The following AFG3L2 variants were observed in gnomAD, a reference collection of about 807,000 sequenced individuals.
The protein encoded by AFG3L2 is AFG3 like matrix AAA peptidase subunit 2, also known as mitochondrial inner membrane m-AAA protease component AFG3L2.
In AFG3L2, 54 loss-of-function variants were observed where a neutral mutation model predicts 94.5. That is an observed-to-expected ratio of 0.57 (90% CI 0.46 to 0.72). The LOEUF (loss-of-function observed/expected upper bound fraction) is 0.72. Ranked by LOEUF, AFG3L2 falls within the 30% of genes least tolerant of loss-of-function variation. The pLI, the probability that AFG3L2 is intolerant of heterozygous loss-of-function variation, is 0.00. For missense variants in AFG3L2, 754 were observed against 994.9 expected (o/e 0.76, Z 3.26); for synonymous variants, 377 against 365.5 (o/e 1.03, Z -0.36).
chr18:12,350,252 C>G lies in AFG3L2; in HGVS notation c.1552+833G>C, dbSNP rs542134961. Among the ~76,000 whole-genome samples, 50 of 152,124 alleles carry G rather than the reference C, an allele frequency of 3.3e-4. No homozygotes were observed. In the South Asian group the frequency reaches 8.5e-3, roughly 26 times the overall value. On this transcript the variant is annotated intron_variant, in intron 12 of 16. Transcript: ENST00000269143. Reference sequence around the variant, plus strand: ...TCTCGAACTCCTGACCTCAGGTGATCCACCTGCCTCAGACTCCCAAAGTGC... The same window carrying G: ...TCTCGAACTCCTGACCTCAGGTGATGCACCTGCCTCAGACTCCCAAAGTGC...
intron 1 of AFG3L2, among the ~76,000 whole-genome samples, chr18:12,374,016 C>T (rs554162204): frequency 1.3e-4 from 20 of 152,190 alleles, no homozygotes; most frequent in African/African-American, 3.9e-4. Context: ...CTTTATATCA[C>T]CATAAAGTTT....
rs1129115 is a variant in AFG3L2 at position 12,329,537 on chromosome 18, C to G, written c.*28G>C. On this transcript the variant is annotated 3_prime_UTR_variant, in exon 17 of 17. Coordinates refer to ENST00000269143, the MANE Select transcript of AFG3L2 (RefSeq NM_006796.3). ...ATGCACCAGCTGAAACCACAGTGGA[C>G]AGACTGAGATGGCCTCCCTCTGGGC... 375,328 of 1,603,688 alleles carry G rather than the reference C, an allele frequency of 0.23. 47,325 individuals carry two copies. Among genetic ancestry groups the G allele is most frequent in the African/African-American group, 0.39 (29,371 of 74,612 alleles).
At chr18:12,352,466 G>A (rs1004200982) in intron 10 of AFG3L2, among the ~76,000 whole-genome samples, 4 of 152,188 alleles carry the variant, frequency 2.6e-5, no homozygotes, top group African/African-American at 4.8e-5. Context: ...TGAAATAAAA[G>A]CTGGCTAGCA....
intron 9 of AFG3L2, among the ~76,000 whole-genome samples, chr18:12,355,208 T>TAA (rs11303145): frequency 7.2e-6 from 1 of 139,222 alleles, no homozygotes; most frequent in African/African-American, 2.7e-5. Flanking sequence ...CAAAAAAAAT[T>TAA]AAAAAAAAAA....
Position 12,339,123 on chromosome 18 carries a change from G to A in AFG3L2, c.1980+1078C>T, listed in dbSNP as rs1281853366. Among the ~76,000 whole-genome samples, 5 of 150,322 alleles carry A rather than the reference G, an allele frequency of 3.3e-5. No homozygotes were observed. In the South Asian group the frequency reaches 8.5e-4, roughly 25 times the overall value. On this transcript the variant is annotated intron_variant, in intron 15 of 16. Transcript: ENST00000269143. ...CAAAAAATTAGCCAGGAGTGGTGGC[G>A]GGCACTACTTGGGAGGCTGAGGCAG...
At position 12,353,478 on chromosome 18, in the gene AFG3L2, C is replaced by A. The variant is rs1040535694; in HGVS notation, c.1165-320G>T. On this transcript the variant is annotated intron_variant, in intron 9 of 16. Coordinates refer to ENST00000269143, the MANE Select transcript of AFG3L2 (RefSeq NM_006796.3). ...GCAGTGAGCTGAGACTGAGCCATTG[C>A]ACTCCTGCCTGGGCAACAAGAGCGA... Among the ~76,000 whole-genome samples the A allele has an allele frequency of 3.6e-5, 5 of 138,596 alleles. No individual in the cohort carries two copies. In the Admixed American group the frequency reaches 4.0e-4, roughly 11 times the overall value. 90.9% of individuals were successfully genotyped at this position (138,596 alleles called of 152,430 possible).
intron 12 of AFG3L2, among the ~76,000 whole-genome samples, chr18:12,349,639 C>A (rs990725305): frequency 1.3e-5 from 2 of 152,042 alleles, no homozygotes; most frequent in African/African-American, 4.8e-5. Context: ...TGAACATAAA[C>A]CAGGCACAAA....
At chr18:12,363,526 T>C (rs748729472) in intron 6 of AFG3L2, among the ~76,000 whole-genome samples, 1 of 152,194 alleles carries the variant, frequency 6.6e-6, no homozygotes, top group African/African-American at 2.4e-5. Flanking sequence ...AACTGGGATT[T>C]CACTCACTGT....
chr18:12,353,969 A>G (rs1354244491), intron 9 of AFG3L2, among the ~76,000 whole-genome samples: 2 of 152,138 alleles, frequency 1.3e-5, no homozygotes, highest in African/African-American at 2.4e-5. Context: ...AGAGGGGGTG[A>G]CAGCCTTCGT....
chr18:12,344,469 G>T (rs1294052960), intron 13 of AFG3L2: 3 of 514,394 alleles, frequency 5.8e-6, no homozygotes, highest in African/African-American at 5.8e-5. Flanking sequence ...GAGGTGAGGA[G>T]TTCGAGACCA....
chr18:12,332,492 A>T (rs991714901), intron 16 of AFG3L2, among the ~76,000 whole-genome samples: 28 of 152,116 alleles, frequency 1.8e-4, no homozygotes, highest in Admixed American at 3.3e-4. Context: ...AAATTATGAA[A>T]GTTTTGTCTT....
chr18:12,355,215 A>T (rs1376267549), intron 9 of AFG3L2, among the ~76,000 whole-genome samples: 1 of 152,130 alleles, frequency 6.6e-6, no homozygotes, highest in East Asian at 1.9e-4. Flanking sequence ...AATTAAAAAA[A>T]AAAAAAAAGA....
intron 5 of AFG3L2, among the ~76,000 whole-genome samples, chr18:12,366,188 C>T (rs936852839): frequency 6.6e-6 from 1 of 152,132 alleles, no homozygotes; most frequent in Non-Finnish European, 1.5e-5. Context: ...TGCATCAATT[C>T]TAAGACACAC....
intron 13 of AFG3L2, 75 bp from the exon 14 acceptor site, chr18:12,344,322 T>C: frequency 8.2e-7 from 1 of 1,218,652 alleles, no homozygotes; most frequent in Non-Finnish European, 1.2e-6. Flanking sequence ...TATACAGTGC[T>C]ATACATTGCC....
Position 12,340,409 on chromosome 18 carries a change from G to A in AFG3L2, c.1780-8C>T. ...ACGTGGGATGATGGATACCTGGTAA[G>A]TAGAAAACAGTGTTGAAGATCCTAC... On this transcript the variant is annotated splice_region_variant and splice_polypyrimidine_tract_variant and intron_variant, in intron 14 of 16. Transcript: ENST00000269143. 3 of 1,604,424 alleles carry A rather than the reference G, an allele frequency of 1.9e-6. No homozygotes were observed. Among genetic ancestry groups the A allele is most frequent in the Non-Finnish European group, 1.7e-6 (2 of 1,171,182 alleles).
Position 12,348,224 on chromosome 18 carries a change from A to G in AFG3L2, c.1663+49T>C, listed in dbSNP as rs1197754739. 2.0e-6 allele frequency: 3 copies of G among 1,509,668 alleles called. No individual in the cohort carries two copies. In the African/African-American group the frequency reaches 4.1e-5, roughly 21 times the overall value. The allele number at this position is 1,509,668 out of a possible 1,614,324, so 93.5% of individuals were successfully genotyped here. A position where few individuals can be genotyped will look rare whatever the true frequency, so the allele number is the denominator to read the frequency against. On this transcript the variant is annotated intron_variant, in intron 13 of 16. Coordinates refer to ENST00000269143, the MANE Select transcript of AFG3L2 (RefSeq NM_006796.3). ...CCCAAACAGAGAAATCCCTGGCCTC[A>G]AATTCATTTTATCAGCCTTTCCACT... is the stretch of plus-strand genomic sequence containing the variant.
intron 6 of AFG3L2, 149 bp from the exon 7 acceptor site, chr18:12,360,200 A>G (rs541448308): frequency 1.7e-4 from 128 of 754,814 alleles, no homozygotes; most frequent in Non-Finnish European, 2.5e-4. Flanking sequence ...GGCTTTAATA[A>G]TGGTGGTGAT....
Position 12,364,234 on chromosome 18 carries a change from G to A in AFG3L2, c.553-378C>T, listed in dbSNP as rs139107589. On this transcript the variant is annotated intron_variant, in intron 5 of 16. Coordinates refer to ENST00000269143, the MANE Select transcript of AFG3L2 (RefSeq NM_006796.3). ...CCAACATTGCATTTGTGAGGTTTAC[G>A]CAAGCTGACACTTCCGTGCTGCAGG... Among the ~76,000 whole-genome samples, 85 of 152,150 alleles carry A rather than the reference G, an allele frequency of 5.6e-4. 1 individual carries two copies. The East Asian group carries it at 0.014, about 24-fold the overall frequency.
intron 9 of AFG3L2, among the ~76,000 whole-genome samples, chr18:12,354,843 C>G (rs1482279129): frequency 6.6e-6 from 1 of 150,818 alleles, no homozygotes; most frequent in African/African-American, 2.4e-5. Flanking sequence ...CATGGCCCAT[C>G]ATCATTAACA....
Sources: allele counts gnomAD v4.1 joint callset (sites outside exome capture counted in the v4.1 genomes callset), GRCh38; gene constraint gnomAD v4.1.1; transcripts MANE v1.5; gene names NCBI Gene and HGNC (gene_info 2026-07-23, HGNC 2026-07-21).